The following TTLL2 variants were observed in gnomAD, a reference collection of about 807,000 sequenced individuals.
TTLL2 encodes tubulin tyrosine ligase like 2, also known as probable tubulin polyglutamylase TTLL2.
A neutral mutation model predicts 7.5 loss-of-function variants in TTLL2; 10 were observed. That is an observed-to-expected ratio of 1.33 (90% confidence interval 0.82 to 2.25). TTLL2 has a LOEUF of 2.25. TTLL2 is among the 30% of genes most tolerant of loss of function. The probability of loss-of-function intolerance (pLI) is 0.00; values close to 1 mark genes in which losing one functional copy is unlikely to be tolerated. For missense variants in TTLL2, 733 were observed against 735.7 expected, an observed-to-expected ratio of 1.00 and a Z score of 0.04; for synonymous variants, 284 against 280.3, an observed-to-expected ratio of 1.01 and a Z score of -0.13.
Position 167,341,510 on chromosome 6 carries a change from C to T in TTLL2, c.1610C>T (p.Thr537Ile). 6.2e-7 allele frequency: 1 copy of T among 1,614,190 alleles called. No individual in the cohort carries two copies. Among genetic ancestry groups the T allele is most frequent in the South Asian group, 1.1e-5 (1 of 91,088 alleles). Residue 537 changes from threonine (T) to isoleucine (I), a missense_variant, in exon 3 of 3, where the codon ACC becomes ATC. Physicochemically the swap from Thr to Ile is moderately conservative, Grantham distance 89. Transcript: ENST00000239587. ...CAGTCGCACTCCTGCAAGACCAAGA[C>T]CTCCCCGTGTGTCCTGTCAGACCGT... ...LFQSHSCKTK[T>I]SPCVLSDRGK...
In TTLL2 at chr6:167,341,893, A is replaced by T; in HGVS notation, c.*214A>T. On this transcript the variant is annotated 3_prime_UTR_variant, in exon 3 of 3. Transcript: ENST00000239587. ...TTAAACTACATTACATCCCATGTTTATTTGCTCAGGTGTCTTGAAAGAATT... is the reference window on the plus strand; with the variant it reads ...TTAAACTACATTACATCCCATGTTTTTTTGCTCAGGTGTCTTGAAAGAATT... The T allele has an allele frequency of 1.8e-6, 1 of 553,340 alleles. No homozygotes were observed. The highest frequency in any genetic ancestry group is 2.7e-5 in the South Asian group (1 of 36,448). The allele number at this position is 553,340 out of a possible 1,614,324, so 34.3% of individuals were successfully genotyped here.
In TTLL2 at chr6:167,341,126, A is replaced by G. The variant is rs1224609577; in HGVS notation, c.1226A>G (p.His409Arg). ...GTGTTGGTGAAGAGAAAACTTGTCCATGATATTATTGACCTGATTTACTTA... is the reference window on the plus strand; with the variant it reads ...GTGTTGGTGAAGAGAAAACTTGTCCGTGATATTATTGACCTGATTTACTTA... ...TDVLVKRKLV[H>R]DIIDLIYLNG... The change falls in exon 3 of 3, where the codon CAT becomes CGT. Residue 409 changes from histidine to arginine, a missense_variant. By Grantham distance (29) the His-to-Arg change is conservative (BLOSUM62 0). Coordinates refer to ENST00000239587, the MANE Select transcript of TTLL2 (RefSeq NM_031949.5). 2 of 1,613,898 alleles carry G rather than the reference A, an allele frequency of 1.2e-6. No homozygotes were observed. The highest frequency in any genetic ancestry group is 1.1e-5 in the South Asian group (1 of 91,060).
rs147034625 is a variant in TTLL2 at position 167,339,598 on chromosome 6, T to C, written c.205-507T>C. ...GGGCCTGATGGGTCAGGTGGGTGCA[T>C]GGGGAACCATGGTAGGTGCCTGGCC... is the stretch of plus-strand genomic sequence containing the variant. On this transcript the variant is annotated intron_variant, in intron 2 of 2. Transcript: ENST00000239587. Among the ~76,000 whole-genome samples, 231 of 152,318 alleles carry C rather than the reference T, an allele frequency of 1.5e-3. 2 individuals are homozygous for C. The highest frequency in any genetic ancestry group is 5.3e-3 in the African/African-American group (221 of 41,562).
chr6:167,327,925 C>T (rs1778868346), intron 1 of TTLL2: 1 of 448,106 alleles, frequency 2.2e-6, no homozygotes, highest in African/African-American at 2.0e-5. Flanking sequence ...GGTGAAAACT[C>T]CTTTTACAGC....
intron 1 of TTLL2, among the ~76,000 whole-genome samples, chr6:167,338,376 TACC>T (rs200674000): frequency 0.022 from 3,212 of 149,310 alleles, 129 homozygotes; most frequent in African/African-American, 0.076. Context: ...AGACAACACA[TACC>T]ACATGTGACA....
At chr6:167,327,064 G>A (rs886523637) in intron 1 of TTLL2, among the ~76,000 whole-genome samples, 1 of 152,206 alleles carries the variant, frequency 6.6e-6, no homozygotes, top group Non-Finnish European at 1.5e-5. Context: ...AGGAGGGTCT[G>A]TAAGAGGGAA....
At position 167,341,245 on chromosome 6, in the gene TTLL2, G is replaced by GCTC; in HGVS notation, c.1348_1350dup (p.Pro450dup). 6.2e-7 allele frequency: 1 copy of GCTC among 1,613,718 alleles called. No homozygotes were observed. The highest frequency in any genetic ancestry group is 8.5e-7 in the Non-Finnish European group (1 of 1,179,986). ...AAAAAGTGACAGAGGTGGGCTTGAT[G>GCTC]CTCCTGACTGTCTTCCTTATGATTC... On this transcript the variant is annotated inframe_insertion, in exon 3 of 3. Coordinates refer to ENST00000239587, the MANE Select transcript of TTLL2 (RefSeq NM_031949.5).
At chr6:167,336,948 C>T (rs1417773886) in intron 1 of TTLL2, among the ~76,000 whole-genome samples, 1 of 152,210 alleles carries the variant, frequency 6.6e-6, no homozygotes, top group Non-Finnish European at 1.5e-5. Context: ...CTGTCCCCCG[C>T]CCTGGGATGA....
intron 1 of TTLL2, chr6:167,328,184 G>A (rs886693198): frequency 2.4e-5 from 11 of 453,586 alleles, no homozygotes; most frequent in Middle Eastern, 3.5e-4. Context: ...ATGGAAGAAA[G>A]CACCAAAACT....
chr6:167,338,477 A>T lies in TTLL2; in HGVS notation c.48-170A>T, dbSNP rs369326684. On this transcript the variant is annotated intron_variant, in intron 1 of 2. Transcript: ENST00000239587. The stretch of plus-strand genomic sequence containing the variant: ...TAGTCACACACACACACACACACAC[A>T]CTGCTTGAAACTTATTGATAGCATG... 1.1e-4 allele frequency among the ~76,000 whole-genome samples: 16 copies of T among 139,758 alleles called. No individual in the cohort carries two copies. In the South Asian group the frequency reaches 1.2e-3, roughly 11 times the overall value. 91.7% of individuals were successfully genotyped at this position (139,758 alleles called of 152,430 possible). A position where few individuals can be genotyped will look rare whatever the true frequency, so the allele number is the denominator to read the frequency against.
intron 1 of TTLL2, among the ~76,000 whole-genome samples, chr6:167,326,842 C>G (rs966373339): frequency 6.6e-6 from 1 of 152,152 alleles, no homozygotes; most frequent in African/African-American, 2.4e-5. Flanking sequence ...CTGGACACCC[C>G]TGGTAGACAA....
chr6:167,325,973 G>T (rs554261546), intron 1 of TTLL2, among the ~76,000 whole-genome samples: 35 of 152,312 alleles, frequency 2.3e-4, no homozygotes, highest in Non-Finnish European at 4.6e-4. Context: ...GTGCAAGGCC[G>T]TGAGTGCCTG....
intron 1 of TTLL2, among the ~76,000 whole-genome samples, chr6:167,330,806 C>A (rs1027047921): frequency 1.3e-5 from 2 of 152,096 alleles, no homozygotes; most frequent in Admixed American, 1.3e-4. Flanking sequence ...CACACAGGCC[C>A]CAGGACCAAA....
intron 1 of TTLL2, among the ~76,000 whole-genome samples, chr6:167,330,843 G>A (rs6928996): frequency 0.26 from 40,021 of 152,034 alleles, 5,280 homozygotes; most frequent in South Asian, 0.35. Context: ...AGCGTTTGGG[G>A]TGGAGGCTCA....
intron 1 of TTLL2, among the ~76,000 whole-genome samples, chr6:167,332,332 C>A (rs1005628433): frequency 6.6e-6 from 1 of 152,146 alleles, no homozygotes; most frequent in Non-Finnish European, 1.5e-5. Flanking sequence ...ATTAGTACAA[C>A]AGTAAGTTAC....
chr6:167,331,763 A>C (rs973664478), intron 1 of TTLL2, among the ~76,000 whole-genome samples: 5 of 152,182 alleles, frequency 3.3e-5, no homozygotes, highest in African/African-American at 1.2e-4. Context: ...GCTGTACTTC[A>C]ACCACTCATA....
At position 167,342,551 on chromosome 6, in the gene TTLL2, G is replaced by A. The variant is rs527683843; in HGVS notation, c.*872G>A. Among the ~76,000 whole-genome samples the A allele has an allele frequency of 2.6e-5, 4 of 152,308 alleles. No individual in the cohort carries two copies. The South Asian group carries it at 8.3e-4, about 32-fold the overall frequency. The stretch of plus-strand genomic sequence containing the variant: ...AGGAGTGCCTACTGATGGGTAGGGG[G>A]CTTCCCTTTGGGGTGACAGAAATGT... On this transcript the variant is annotated 3_prime_UTR_variant, in exon 3 of 3. Coordinates refer to ENST00000239587, the MANE Select transcript of TTLL2 (RefSeq NM_031949.5).
At position 167,341,575 on chromosome 6, in the gene TTLL2, G is replaced by C. The variant is rs34931196; in HGVS notation, c.1675G>C (p.Val559Leu). ...TCCCCAAGCAGGCAACTTTGTTCTT[G>C]TTTTTCCTTTCAATGAAGCAACTCT... is the stretch of plus-strand genomic sequence containing the variant. ...PDPQAGNFVL[V>L]FPFNEATLGA... Residue 559 changes from valine to leucine, a missense_variant, in exon 3 of 3, where the codon GTT becomes CTT. Coordinates refer to ENST00000239587, the MANE Select transcript of TTLL2 (RefSeq NM_031949.5). The C allele has an allele frequency of 1.9e-6, 3 of 1,614,132 alleles. No homozygotes were observed. In the South Asian group the frequency reaches 3.3e-5, roughly 18 times the overall value.
rs887990272 is a variant in TTLL2, at chr6:167,341,686, A to G, written c.*7A>G. 3 of 1,580,146 alleles carry G rather than the reference A, an allele frequency of 1.9e-6. No homozygotes were observed. The African/African-American group carries it at 4.1e-5, about 22-fold the overall frequency. On this transcript the variant is annotated 3_prime_UTR_variant, in exon 3 of 3. Transcript: ENST00000239587. ...GAATAAGCAACATTCCTAAGTGGTA[A>G]AAAATCAAATCAAGAAAAAGTGACA...
Sources: allele counts gnomAD v4.1 joint callset (sites outside exome capture counted in the v4.1 genomes callset), GRCh38; gene constraint gnomAD v4.1.1; transcripts MANE v1.5; gene names NCBI Gene and HGNC (gene_info 2026-07-23, HGNC 2026-07-21).